The following RCAN2 variants were observed in gnomAD, a reference collection of about 807,000 sequenced individuals.
RCAN2 encodes the protein calcipressin-2.
In RCAN2, 9 loss-of-function variants were observed where a neutral mutation model predicts 23.6. That is an observed-to-expected ratio of 0.38 (90% CI 0.23 to 0.67). The LOEUF is 0.67. Among genes scored for constraint, RCAN2 ranks in the 30% least tolerant of loss-of-function variants. RCAN2 has a pLI of 0.51. For missense variants in RCAN2, 273 were observed against 302.3 expected (o/e 0.90, Z 0.72); for synonymous variants, 109 against 115.7 (o/e 0.94, Z 0.37).
intron 2 of RCAN2, among the ~76,000 whole-genome samples, chr6:46,423,225 G>A (rs1260060388): frequency 6.6e-6 from 1 of 152,128 alleles, no homozygotes; most frequent in Admixed American, 6.6e-5. Context: ...AAGATAATTT[G>A]CCTTCTTATT....
At chr6:46,463,224 G>A (rs1023531875) in intron 1 of RCAN2, among the ~76,000 whole-genome samples, 1 of 152,202 alleles carries the variant, frequency 6.6e-6, no homozygotes, top group Middle Eastern at 3.2e-3. Context: ...CTAAGAGACA[G>A]ATGCATGATA....
intron 2 of RCAN2, among the ~76,000 whole-genome samples, chr6:46,314,116 G>A (rs1215596049): frequency 2.0e-5 from 3 of 152,080 alleles, no homozygotes; most frequent in South Asian, 2.1e-4. Context: ...AATCCCAACA[G>A]TTTGGGAGGC....
At chr6:46,442,209 G>C (rs561425569) in intron 2 of RCAN2, among the ~76,000 whole-genome samples, 1 of 152,242 alleles carries the variant, frequency 6.6e-6, no homozygotes, top group East Asian at 1.9e-4. Context: ...CTCTGAAACT[G>C]CCTCTGAAAA....
chr6:46,475,238 GCTTC>G (rs1768680823), intron 1 of RCAN2, among the ~76,000 whole-genome samples: 1 of 152,136 alleles, frequency 6.6e-6, no homozygotes, highest in Non-Finnish European at 1.5e-5. Flanking sequence ...GCCATCCTCT[GCTTC>G]AACAGCAGAA....
intron 2 of RCAN2, among the ~76,000 whole-genome samples, chr6:46,410,579 T>C (rs1243687826): frequency 6.6e-6 from 1 of 152,200 alleles, no homozygotes; most frequent in African/African-American, 2.4e-5. Flanking sequence ...AATTGTTACA[T>C]AACTACTGGA....
chr6:46,283,230 T>C (rs965297479), intron 2 of RCAN2, among the ~76,000 whole-genome samples: 2 of 152,080 alleles, frequency 1.3e-5, no homozygotes, highest in Admixed American at 1.3e-4. Context: ...AGGAGGATCA[T>C]TTGAGCCCAG....
intron 2 of RCAN2, among the ~76,000 whole-genome samples, chr6:46,323,980 G>C (rs1211685064): frequency 6.6e-6 from 1 of 152,216 alleles, no homozygotes; most frequent in Non-Finnish European, 1.5e-5. Flanking sequence ...GGACAGAAGG[G>C]AGCTGTGAAG....
chr6:46,321,233 T>G (rs960281988), intron 2 of RCAN2, among the ~76,000 whole-genome samples: 2 of 152,222 alleles, frequency 1.3e-5, no homozygotes, highest in Admixed American at 6.5e-5. Flanking sequence ...TCACTCTGCT[T>G]CATTTTTGTT....
chr6:46,475,248 C>A (rs1007372677), intron 1 of RCAN2, among the ~76,000 whole-genome samples: 6 of 152,178 alleles, frequency 3.9e-5, no homozygotes, highest in Non-Finnish European at 7.3e-5. Context: ...GCTTCAACAG[C>A]AGAAGCCATT....
intron 2 of RCAN2, among the ~76,000 whole-genome samples, chr6:46,295,588 C>A (rs1403144949): frequency 2.6e-5 from 4 of 151,968 alleles, no homozygotes; most frequent in South Asian, 2.1e-4. Context: ...TGGCAGGAAG[C>A]AAAAGCAGTT....
intron 2 of RCAN2, among the ~76,000 whole-genome samples, chr6:46,336,799 T>A (rs1764157764): frequency 6.6e-6 from 1 of 152,182 alleles, no homozygotes; most frequent in Middle Eastern, 3.4e-3. Context: ...GCAATAGGGG[T>A]TGGATTACGG....
At chr6:46,344,207 T>C (rs1427159032) in intron 2 of RCAN2, among the ~76,000 whole-genome samples, 1 of 152,210 alleles carries the variant, frequency 6.6e-6, no homozygotes, top group Non-Finnish European at 1.5e-5. Flanking sequence ...TGATAGTTAA[T>C]TTATGCCTCA....
intron 1 of RCAN2, among the ~76,000 whole-genome samples, chr6:46,473,100 C>T (rs552035836): frequency 1.3e-4 from 20 of 152,178 alleles, no homozygotes; most frequent in Admixed American, 2.0e-4. Flanking sequence ...TGTTTCAGGA[C>T]AGTTTGATTA....
chr6:46,365,787 T>C (rs958625468), intron 2 of RCAN2, among the ~76,000 whole-genome samples: 41 of 152,368 alleles, frequency 2.7e-4, no homozygotes, highest in African/African-American at 9.6e-4. Context: ...AGCTAGTTAT[T>C]TGATGAGCAA....
At chr6:46,247,985 C>A (rs1158666543) in intron 3 of RCAN2, among the ~76,000 whole-genome samples, 1 of 152,184 alleles carries the variant, frequency 6.6e-6, no homozygotes, top group Non-Finnish European at 1.5e-5. Context: ...GGAATTTGAA[C>A]ATGGATGCAG....
intron 2 of RCAN2, among the ~76,000 whole-genome samples, chr6:46,333,412 A>G (rs2081949751): frequency 6.6e-6 from 1 of 152,198 alleles, no homozygotes; most frequent in Non-Finnish European, 1.5e-5. Flanking sequence ...GGATTTACCA[A>G]CGTTTCTGCA....
intron 2 of RCAN2, among the ~76,000 whole-genome samples, chr6:46,261,617 T>C (rs1767110865): frequency 6.6e-6 from 1 of 152,184 alleles, no homozygotes; most frequent in Admixed American, 6.5e-5. Context: ...TATGTCTACA[T>C]CTATCTATAT....
At chr6:46,276,710 A>T (rs1030733777) in intron 2 of RCAN2, among the ~76,000 whole-genome samples, 1 of 152,232 alleles carries the variant, frequency 6.6e-6, no homozygotes, top group Non-Finnish European at 1.5e-5. Context: ...AACTGCAGTC[A>T]CACTTTTTCA....
At chr6:46,271,767 T>C (rs1170157526) in intron 2 of RCAN2, among the ~76,000 whole-genome samples, 1 of 152,228 alleles carries the variant, frequency 6.6e-6, no homozygotes. Flanking sequence ...AGGGATAACC[T>C]GGATAATGTT....
Sources: allele counts gnomAD v4.1 joint callset (sites outside exome capture counted in the v4.1 genomes callset), GRCh38; gene constraint gnomAD v4.1.1; transcripts MANE v1.5; gene names NCBI Gene and HGNC (gene_info 2026-07-23, HGNC 2026-07-21).